The following TSPEAR variants were observed in gnomAD, a reference collection of about 807,000 sequenced individuals.
TSPEAR encodes thrombospondin-type laminin G domain and EAR repeat-containing protein.
A neutral mutation model predicts 71.6 loss-of-function variants in TSPEAR; 69 were observed. That is an observed-to-expected ratio of 0.96 (90% CI 0.79 to 1.18). TSPEAR has a LOEUF of 1.18. Among genes scored for constraint, TSPEAR ranks in the 50% most tolerant of loss-of-function variants. TSPEAR has a pLI of 0.00. For synonymous variants in TSPEAR, 402 were observed against 387.2 expected (o/e 1.04, Z -0.45); for missense variants, 971 against 894.9 (o/e 1.09, Z -1.09).
chr21:44,539,736 G>A, intron 2 of TSPEAR: 3 of 1,612,598 alleles, frequency 1.9e-6, no homozygotes, highest in Non-Finnish European at 2.5e-6. Context: ...CAGCAGGACT[G>A]CTGGCTGGAG....
At chr21:44,667,716 CACCCTGTACTGCAGGG>C (rs1266642357) in intron 1 of TSPEAR, among the ~76,000 whole-genome samples, 1 of 152,202 alleles carries the variant, frequency 6.6e-6, no homozygotes, top group Admixed American at 6.5e-5. Flanking sequence ...AAGCCATGTG[CACCCTGTACTGCAGGG>C]ACAGTAGAAT....
In TSPEAR at chr21:44,642,467, A is replaced by C. The variant is rs1397098936; in HGVS notation, c.82+68966T>G. Among the ~76,000 whole-genome samples, 1 of 152,236 alleles carries C rather than the reference A, an allele frequency of 6.6e-6. No individual in the cohort carries two copies. The highest frequency in any genetic ancestry group is 1.5e-5 in the Non-Finnish European group (1 of 68,046). On this transcript the variant is annotated intron_variant, in intron 1 of 11. Coordinates refer to ENST00000323084, the MANE Select transcript of TSPEAR (RefSeq NM_144991.3). The surrounding 1 kb of genome is among the most constrained non-coding windows in gnomAD (Gnocchi z 4.1). The stretch of plus-strand genomic sequence containing the variant: ...CAACATCATTTAAAAAAATAATGTA[A>C]GAGATTGTATGAACCTACAATAACA...
intron 1 of TSPEAR, among the ~76,000 whole-genome samples, chr21:44,662,859 A>G (rs1234718101): frequency 1.3e-5 from 2 of 152,226 alleles, no homozygotes; most frequent in Non-Finnish European, 2.9e-5. Context: ...ACACTTCTAA[A>G]TAACCCATGG....
chr21:44,542,881 T>G (rs1322030303), intron 2 of TSPEAR, among the ~76,000 whole-genome samples: 3 of 147,822 alleles, frequency 2.0e-5, no homozygotes, highest in African/African-American at 7.5e-5. Context: ...ACAGAAAAAT[T>G]TAAAAACAGC....
chr21:44,512,732 T>C (rs1223507293), intron 9 of TSPEAR, among the ~76,000 whole-genome samples: 1 of 151,900 alleles, frequency 6.6e-6, no homozygotes. Context: ...TGCATCTTGG[T>C]TGGAGCCCAA....
chr21:44,557,957 G>A lies in TSPEAR; in HGVS notation c.303+9828C>T, dbSNP rs1163732199. ...GCTGGCTGGAGGTGCAGTGGCTATG[G>A]GCAGAGGAGACTCAGACAGGGCTCA... On this transcript the variant is annotated intron_variant, in intron 2 of 11. Coordinates refer to ENST00000323084, the MANE Select transcript of TSPEAR (RefSeq NM_144991.3). 4.9e-6 allele frequency: 7 copies of A among 1,429,490 alleles called. No individual in the cohort carries two copies. The South Asian group carries it at 5.3e-5, about 11-fold the overall frequency. The allele number at this position is 1,429,490 out of a possible 1,614,324, so 88.6% of individuals were successfully genotyped here. A position where few individuals can be genotyped will look rare whatever the true frequency, so the allele number is the denominator to read the frequency against.
rs148699348 is a variant in TSPEAR, at chr21:44,700,038, G to A, written c.82+11395C>T. Among the ~76,000 whole-genome samples, 1,178 of 152,294 alleles carry A rather than the reference G, an allele frequency of 7.7e-3. 20 individuals carry two copies. Among genetic ancestry groups the A allele is most frequent in the African/African-American group, 0.027 (1,113 of 41,544 alleles). On this transcript the variant is annotated intron_variant, in intron 1 of 11. Transcript: ENST00000323084. ...TGCTAAACAGCTCTGGGCCAGCAGG[G>A]CTGCCAACAGTCCTGTCCACAGGTA... is the stretch of plus-strand genomic sequence containing the variant.
rs587631627 is a variant in TSPEAR at position 44,567,889 on chromosome 21, G to C, written c.199C>G (p.Arg67Gly). Residue 67 changes from arginine to glycine, a missense_variant, in exon 2 of 12, where the codon CGC (arginine) becomes GGC (glycine). Arg to Gly is a moderately radical substitution (Grantham distance 125, BLOSUM62 -2). Transcript: ENST00000323084. The part of the protein sequence containing the change: ...RGLQLSVAAP[R>G]TMSFPASRIF... ...CTGGATGCTGGGAAGCTCATGGTGC[G>C]GGGGGCGGCTACTGAGAGCTGGAGT... 15 of 1,607,272 alleles carry C rather than the reference G, an allele frequency of 9.3e-6. No homozygotes were observed. Among genetic ancestry groups the C allele is most frequent in the Admixed American group, 6.7e-5 (4 of 59,448 alleles).
chr21:44,592,665 A>T (rs1335671425), intron 1 of TSPEAR, among the ~76,000 whole-genome samples: 2 of 151,994 alleles, frequency 1.3e-5, no homozygotes, highest in African/African-American at 4.8e-5. Context: ...CAGCTCATAA[A>T]TCTCCCATCA....
intron 1 of TSPEAR, among the ~76,000 whole-genome samples, chr21:44,614,273 C>A (rs1229494949): frequency 6.6e-6 from 1 of 152,266 alleles, no homozygotes; most frequent in Non-Finnish European, 1.5e-5. Flanking sequence ...GCCGTCCCCA[C>A]TGACGTCAGG....
intron 9 of TSPEAR, among the ~76,000 whole-genome samples, chr21:44,513,445 C>G (rs1022677676): frequency 6.6e-6 from 1 of 152,338 alleles, no homozygotes; most frequent in African/African-American, 2.4e-5. Flanking sequence ...CATCAAAGGC[C>G]CTGCCAAACC....
intron 1 of TSPEAR, among the ~76,000 whole-genome samples, chr21:44,576,099 G>T (rs1978424665): frequency 6.6e-6 from 1 of 152,214 alleles, no homozygotes; most frequent in Admixed American, 6.5e-5. Context: ...CTATTCCAAT[G>T]GTTATAAAAC....
chr21:44,585,700 CA>C (rs1280045839), intron 1 of TSPEAR, among the ~76,000 whole-genome samples: 130 of 152,256 alleles, frequency 8.5e-4, no homozygotes, highest in African/African-American at 2.9e-3. Flanking sequence ...TTTCAGTCTC[CA>C]GGAATCCAAG....
At chr21:44,548,490 T>C (rs233233) in intron 2 of TSPEAR, among the ~76,000 whole-genome samples, 51,787 of 151,720 alleles carry the variant, frequency 0.34, 10,198 homozygotes, top group African/African-American at 0.55. Flanking sequence ...CTTGGGGAAG[T>C]GATGGCGGAG....
At chr21:44,633,924 G>A (rs1983395026) in intron 1 of TSPEAR, among the ~76,000 whole-genome samples, 1 of 151,698 alleles carries the variant, frequency 6.6e-6, no homozygotes, top group Admixed American at 6.6e-5. Flanking sequence ...ATGTTTGTTA[G>A]GTACATGAAT....
chr21:44,636,676 C>G (rs1485564539), intron 1 of TSPEAR, among the ~76,000 whole-genome samples: 1 of 152,162 alleles, frequency 6.6e-6, no homozygotes, highest in African/African-American at 2.4e-5. Context: ...CCACACCTGC[C>G]TCTCCAAGGT....
rs1358676225 is a variant in TSPEAR at position 44,602,566 on chromosome 21, T to TC, written c.83-34562dup. Among the ~76,000 whole-genome samples the TC allele has an allele frequency of 5.9e-5, 9 of 151,692 alleles. No homozygotes were observed. The East Asian group carries it at 1.4e-3, about 23-fold the overall frequency. On this transcript the variant is annotated intron_variant, in intron 1 of 11. Coordinates refer to ENST00000323084, the MANE Select transcript of TSPEAR (RefSeq NM_144991.3). ...CTGGGAACTGGGATTTCCGAGGGGC[T>TC]CCCCCCGGCCCCGCCTCACTGGGCC...
At chr21:44,539,104 A>C (rs1373476455) in intron 2 of TSPEAR, 17 of 942,726 alleles carry the variant, frequency 1.8e-5, no homozygotes, top group Middle Eastern at 3.3e-4. Context: ...GCAGGTGGGC[A>C]CCTGCTGGAA....
At chr21:44,674,111 T>A (rs1986188639) in intron 1 of TSPEAR, among the ~76,000 whole-genome samples, 1 of 111,018 alleles carries the variant, frequency 9.0e-6, no homozygotes. Context: ...ACAGTAAGAC[T>A]CCATCTCAAA....
Sources: allele counts gnomAD v4.1 joint callset (sites outside exome capture counted in the v4.1 genomes callset), GRCh38; gene constraint gnomAD v4.1.1; non-coding constraint Gnocchi (gnomAD v3.1); transcripts MANE v1.5; gene names NCBI Gene and HGNC (gene_info 2026-07-23, HGNC 2026-07-21).